Variants in PKIB observed in about 807,000 individuals in gnomAD.
PKIB encodes PKI-beta.
In PKIB, 2 loss-of-function variants were observed where a neutral mutation model predicts 4.5. The observed-to-expected ratio is 0.44, with a 90% confidence interval of 0.18 to 1.39. The LOEUF is 1.39. PKIB is among the 40% of genes most tolerant of loss of function. The probability of loss-of-function intolerance (pLI) is 0.27; values close to 1 mark genes in which losing one functional copy is unlikely to be tolerated. For synonymous variants in PKIB, 38 were observed against 36.0 expected (o/e 1.06, Z -0.20); for missense variants, 94 against 92.6 (o/e 1.02, Z -0.06).
At chr6:122,550,569 C>T (rs1431646818) in intron 2 of PKIB, among the ~76,000 whole-genome samples, 2 of 152,032 alleles carry the variant, frequency 1.3e-5, no homozygotes, top group Non-Finnish European at 2.9e-5. Flanking sequence ...TCTTTTGATA[C>T]CATTTTCACC....
At chr6:122,699,923 T>A (rs1208728869) in intron 3 of PKIB, among the ~76,000 whole-genome samples, 1 of 152,164 alleles carries the variant, frequency 6.6e-6, no homozygotes, top group Non-Finnish European at 1.5e-5. Flanking sequence ...TCCCCTAATG[T>A]TATGGGGGAT....
chr6:122,706,642 G>A (rs898563628), intron 3 of PKIB, among the ~76,000 whole-genome samples: 3 of 151,950 alleles, frequency 2.0e-5, no homozygotes, highest in African/African-American at 7.3e-5. Flanking sequence ...TTCTATGATC[G>A]TCAGTTTCCT....
rs1054003950 is a variant in PKIB, at chr6:122,517,885, G to A, written c.-248+39946G>A. Among the ~76,000 whole-genome samples, 10 of 152,220 alleles carry A rather than the reference G, an allele frequency of 6.6e-5. No homozygotes were observed. In the South Asian group the frequency reaches 8.3e-4, roughly 13 times the overall value. ...GGCCCAAGAATCATTTGATGAATCC[G>A]ATTTTTCCAAAATAGGTGATTCTGA... is the stretch of plus-strand genomic sequence containing the variant. On this transcript the variant is annotated intron_variant, in intron 2 of 6. Transcript: ENST00000392491.
intron 2 of PKIB, among the ~76,000 whole-genome samples, chr6:122,528,707 CAT>C (rs563190186): frequency 1.3e-4 from 20 of 152,182 alleles, no homozygotes; most frequent in African/African-American, 4.8e-4. Flanking sequence ...GCTTGGGCAA[CAT>C]AGCAAGACCT....
intron 2 of PKIB, 85 bp downstream of exon 2, chr6:122,633,452 A>G (rs1271038405): frequency 1.3e-5 from 2 of 152,222 alleles, no homozygotes; most frequent in Admixed American, 1.3e-4. Flanking sequence ...GTTGCTATAA[A>G]GCCAGATGAC....
chr6:122,545,365 A>G (rs1329302713), intron 2 of PKIB, among the ~76,000 whole-genome samples: 5 of 151,988 alleles, frequency 3.3e-5, no homozygotes, highest in Admixed American at 1.3e-4. Context: ...GGAGGCCATT[A>G]TCTTACATGT....
At chr6:122,534,552 G>A (rs368990874) in intron 2 of PKIB, among the ~76,000 whole-genome samples, 4 of 152,212 alleles carry the variant, frequency 2.6e-5, no homozygotes, top group South Asian at 2.1e-4. Context: ...GCACTAGCAC[G>A]GAGGCTACTC....
At chr6:122,702,619 C>G (rs970136695) in intron 3 of PKIB, among the ~76,000 whole-genome samples, 19 of 151,930 alleles carry the variant, frequency 1.3e-4, no homozygotes, top group Admixed American at 6.6e-5. Flanking sequence ...TGCACCCAGC[C>G]TTAAGGGAAA....
intron 2 of PKIB, among the ~76,000 whole-genome samples, chr6:122,501,366 G>A (rs1776230733): frequency 6.6e-6 from 1 of 152,198 alleles, no homozygotes; most frequent in Non-Finnish European, 1.5e-5. Flanking sequence ...GGCCCTAGTG[G>A]AGGTTCTCTG....
At chr6:122,598,067 G>T (rs1774234523) in intron 3 of PKIB, among the ~76,000 whole-genome samples, 1 of 152,122 alleles carries the variant, frequency 6.6e-6, no homozygotes, top group Non-Finnish European at 1.5e-5. Flanking sequence ...GGAAGGATGG[G>T]AGAAAGATTC....
intron 3 of PKIB, among the ~76,000 whole-genome samples, chr6:122,692,945 A>T (rs1039567700): frequency 1.3e-5 from 2 of 152,256 alleles, no homozygotes; most frequent in African/African-American, 4.8e-5. Context: ...ACTTTAAATT[A>T]TAAAGACTAT....
chr6:122,600,831 G>GA (rs553961028), intron 3 of PKIB, among the ~76,000 whole-genome samples: 3 of 151,746 alleles, frequency 2.0e-5, no homozygotes, highest in South Asian at 2.1e-4. Context: ...ATAATGAAGA[G>GA]AAAAAAACCA....
At chr6:122,508,767 T>C (rs1415280116) in intron 2 of PKIB, among the ~76,000 whole-genome samples, 2 of 152,084 alleles carry the variant, frequency 1.3e-5, no homozygotes, top group Non-Finnish European at 2.9e-5. Flanking sequence ...TTTTTTTTTT[T>C]AGAGACAGAG....
At chr6:122,723,970 C>CGTA (rs1441256057) in intron 4 of PKIB, among the ~76,000 whole-genome samples, 2 of 152,072 alleles carry the variant, frequency 1.3e-5, no homozygotes, top group Non-Finnish European at 2.9e-5. Flanking sequence ...TTGCCTTGTA[C>CGTA]GTAGTACATG....
intron 2 of PKIB, among the ~76,000 whole-genome samples, chr6:122,556,449 C>G (rs886067678): frequency 6.6e-6 from 1 of 152,180 alleles, no homozygotes; most frequent in Admixed American, 6.6e-5. Context: ...TTAGAAACAA[C>G]AAACTTCTTA....
At chr6:122,678,643 A>G (rs1358248789) in intron 3 of PKIB, among the ~76,000 whole-genome samples, 2 of 152,180 alleles carry the variant, frequency 1.3e-5, no homozygotes, top group African/African-American at 4.8e-5. Flanking sequence ...CCAGAGATGT[A>G]AAATGAATCC....
At chr6:122,615,596 A>G (rs796315380) in intron 1 of PKIB, among the ~76,000 whole-genome samples, 3 of 152,286 alleles carry the variant, frequency 2.0e-5, no homozygotes, top group African/African-American at 7.2e-5. Flanking sequence ...ATCTCAGGAT[A>G]TGACCTTATT....
At chr6:122,481,299 T>A (rs1485727319) in intron 2 of PKIB, 1 of 152,208 alleles carries the variant, frequency 6.6e-6, no homozygotes, top group Non-Finnish European at 1.5e-5. Flanking sequence ...ATAAATGGCC[T>A]GTACTTTTCA....
intron 2 of PKIB, among the ~76,000 whole-genome samples, chr6:122,561,526 G>A (rs938470231): frequency 2.6e-5 from 4 of 151,524 alleles, no homozygotes; most frequent in Admixed American, 2.6e-4. Flanking sequence ...GTATTCTGAG[G>A]TTGTGTTGCT....
Sources: gnomAD v4.1 joint callset for allele counts (sites outside exome capture counted in the v4.1 genomes callset) on GRCh38, gnomAD v4.1.1 for gene constraint, MANE v1.5 for transcripts, NCBI Gene and HGNC (gene_info 2026-07-23, HGNC 2026-07-21) for gene names.